RPUSD4: variants seen among roughly 807,000 people sequenced by gnomAD.
RPUSD4 encodes the protein pseudouridylate synthase RPUSD4, mitochondrial.
Under a neutral mutation model 35.4 loss-of-function variants are expected in RPUSD4, and 37 were observed. That is an observed-to-expected ratio of 1.04 (90% CI 0.80 to 1.37). The LOEUF (loss-of-function observed/expected upper bound fraction) is 1.37. Among genes scored for constraint, RPUSD4 ranks in the 40% most tolerant of loss-of-function variants. The pLI is 0.00. For missense variants in RPUSD4, 507 were observed against 484.9 expected, an observed-to-expected ratio of 1.05 and a Z score of -0.43; for synonymous variants, 210 against 192.7, an observed-to-expected ratio of 1.09 and a Z score of -0.74.
Position 126,211,018 on chromosome 11 carries a change from A to C in RPUSD4, c.227T>G (p.Ile76Arg), listed in dbSNP as rs1381677644. ...TNAVQRRVQE[I>R]VRFTRQLQRV... The stretch of plus-strand genomic sequence containing the variant: ...CTGCAGCTGCCGTGTGAACCGCACT[A>C]TTTCTTGCACTCTCCGCTGAACAGC... The change falls in exon 2 of 7, where the codon ATA becomes AGA. Residue 76 changes from isoleucine to arginine, a missense_variant. Physicochemically the swap from Ile to Arg is moderately conservative, Grantham distance 97. Transcript: ENST00000298317. 1 of 1,613,970 alleles carries C rather than the reference A, an allele frequency of 6.2e-7. No homozygotes were observed. Among genetic ancestry groups the C allele is most frequent in the South Asian group, 1.1e-5 (1 of 91,066 alleles).
rs750767470 is a variant in RPUSD4 at position 126,211,067 on chromosome 11, G to A, written c.190-12C>T. 18 of 1,608,362 alleles carry A rather than the reference G, an allele frequency of 1.1e-5. No individual in the cohort carries two copies. Among genetic ancestry groups the A allele is most frequent in the Non-Finnish European group, 1.4e-5 (17 of 1,179,420 alleles). On this transcript the variant is annotated splice_polypyrimidine_tract_variant and intron_variant, in intron 1 of 6. Transcript: ENST00000298317. Reference sequence around the variant, plus strand: ...GCGTTTGTGGACACCTAGGGAGAAAGAAGGAGCCGTGGGGAATGCCTGGTG... The same window carrying A: ...GCGTTTGTGGACACCTAGGGAGAAAAAAGGAGCCGTGGGGAATGCCTGGTG...
In RPUSD4 at chr11:126,210,915, A is replaced by C; in HGVS notation, c.330T>G (p.Asn110Lys). Residue 110 changes from asparagine (N) to lysine (K), a missense_variant, in exon 2 of 7, where the codon AAT (asparagine) becomes AAG (lysine). By Grantham distance (94) the Asn-to-Lys change is moderately conservative. Transcript: ENST00000298317. The part of the protein sequence containing the change: ...LHQDKNLVVI[N>K]KPYGLPVHGG... ...CATGCACAGGGAGACCGTAGGGCTT[A>C]TTGATGACCACAAGGTTCTTGTCCT... 2 of 1,614,162 alleles carry C rather than the reference A, an allele frequency of 1.2e-6. No individual in the cohort carries two copies. The highest frequency in any genetic ancestry group is 2.2e-5 in the South Asian group (2 of 91,082).
intron 3 of RPUSD4, chr11:126,206,099 A>G (rs1007179276): frequency 4.9e-6 from 1 of 204,516 alleles, no homozygotes; most frequent in African/African-American, 2.3e-5. Context: ...TTATGGTAAT[A>G]TAGTTTTGTA....
At position 126,209,583 on chromosome 11, in the gene RPUSD4, G is replaced by T; in HGVS notation, c.495C>A (p.Asp165Glu). The change falls in exon 3 of 7, where the codon GAC becomes GAA. Residue 165 changes from aspartate to glutamate, a missense_variant. By Grantham distance (45) the Asp-to-Glu change is conservative. Transcript: ENST00000298317. ...ETTGVMVLAW[D>E]KDMAHQVQEL... Reference sequence around the variant, plus strand: ...CTTGGACTTGATGTGCCATGTCCTTGTCCCAAGCCAACACCATTACACCTG... The same window carrying T: ...CTTGGACTTGATGTGCCATGTCCTTTTCCCAAGCCAACACCATTACACCTG... 1 of 1,614,222 alleles carries T rather than the reference G, an allele frequency of 6.2e-7. No homozygotes were observed. Among genetic ancestry groups the T allele is most frequent in the Non-Finnish European group, 8.5e-7 (1 of 1,180,052 alleles).
At chr11:126,206,851 G>T (rs186006675) in intron 3 of RPUSD4, among the ~76,000 whole-genome samples, 1 of 151,968 alleles carries the variant, frequency 6.6e-6, no homozygotes, top group Non-Finnish European at 1.5e-5. Context: ...ACATTTTATC[G>T]TATTTTACAG....
intron 2 of RPUSD4, 93 bp downstream of exon 2, chr11:126,210,797 G>C (rs1949848611): frequency 7.8e-7 from 1 of 1,277,420 alleles, no homozygotes; most frequent in Non-Finnish European, 1.1e-6. Context: ...TGAATGCAAG[G>C]CTTTAGAGTG....
At chr11:126,209,871 A>T (rs2135104712) in intron 2 of RPUSD4, 149 bp from the exon 3 acceptor site, 1 of 657,768 alleles carries the variant, frequency 1.5e-6, no homozygotes, top group East Asian at 2.7e-5. Flanking sequence ...CAACAATGGC[A>T]TGTCTAGGGA....
At chr11:126,211,419 C>G (rs1458242000) in intron 1 of RPUSD4, 31 bp downstream of exon 1, 1 of 1,587,832 alleles carries the variant, frequency 6.3e-7, no homozygotes, top group Non-Finnish European at 8.6e-7. Flanking sequence ...AGCGCACTGC[C>G]TCTAGGGAGT....
At position 126,211,626 on chromosome 11, in the gene RPUSD4, T is replaced by C; in HGVS notation, c.13A>G (p.Arg5Gly). The C allele has an allele frequency of 7.4e-6, 12 of 1,612,734 alleles. No individual in the cohort carries two copies. Among genetic ancestry groups the C allele is most frequent in the Admixed American group, 1.7e-5 (1 of 59,810 alleles). The change falls in exon 1 of 7, where the codon AGG (arginine) becomes GGG (glycine). Residue 5 changes from arginine to glycine, a missense_variant. By Grantham distance (125) the Arg-to-Gly change is moderately radical. Coordinates refer to ENST00000298317, the MANE Select transcript of RPUSD4 (RefSeq NM_032795.3). MAAP[R>G]WSASGPWIRG... ...ATCCAGGGGCCCGACGCGCTCCACC[T>C]GGGCGCCGCCATCTTACAAGGAAGG...
chr11:126,210,790 A>T (rs1247000879), intron 2 of RPUSD4, 100 bp downstream of exon 2: 1 of 1,193,594 alleles, frequency 8.4e-7, no homozygotes, highest in African/African-American at 1.5e-5. Context: ...ATTAATTTGA[A>T]TGCAAGGCTT....
chr11:126,204,290 A>G lies in RPUSD4; in HGVS notation c.835T>C (p.Leu279=), dbSNP rs368604267. The part of the protein sequence containing the change: ...HQLRVHLSFG[L]DCPILGDHKY... ...TGATCACCAAGGATTGGACAATCCA[A>G]TCCAAAAGACAAGTGAACTCGAAGC... Residue 279 remains leucine, a synonymous_variant, in exon 6 of 7, where the codon TTG becomes CTG. Coordinates refer to ENST00000298317, the MANE Select transcript of RPUSD4 (RefSeq NM_032795.3). 2 of 1,613,732 alleles carry G rather than the reference A, an allele frequency of 1.2e-6. No individual in the cohort carries two copies. Among genetic ancestry groups the G allele is most frequent in the Non-Finnish European group, 8.5e-7 (1 of 1,179,972 alleles).
chr11:126,203,318 T>C lies in RPUSD4; in HGVS notation c.*100A>G, dbSNP rs867938110. The stretch of plus-strand genomic sequence containing the variant: ...CAAGTGAGAAGTTAGCAGAGTCCTG[T>C]AAACAAAGAACAGTTCAGGGGCCAA... On this transcript the variant is annotated 3_prime_UTR_variant, in exon 7 of 7. Coordinates refer to ENST00000298317, the MANE Select transcript of RPUSD4 (RefSeq NM_032795.3). 5 of 1,525,026 alleles carry C rather than the reference T, an allele frequency of 3.3e-6. No individual in the cohort carries two copies. In the Middle Eastern group the frequency reaches 8.8e-4, roughly 269 times the overall value. The allele number at this position is 1,525,026 out of a possible 1,614,324, so 94.5% of individuals were successfully genotyped here.
chr11:126,204,295 A>G lies in RPUSD4; in HGVS notation c.830T>C (p.Phe277Ser), dbSNP rs1949745357. 6.2e-7 allele frequency: 1 copy of G among 1,613,510 alleles called. No homozygotes were observed. The highest frequency in any genetic ancestry group is 8.5e-7 in the Non-Finnish European group (1 of 1,179,936). ...ACCAAGGATTGGACAATCCAATCCAAAAGACAAGTGAACTCGAAGCTGATG... is the reference window on the plus strand; with the variant it reads ...ACCAAGGATTGGACAATCCAATCCAGAAGACAAGTGAACTCGAAGCTGATG... ...IKHQLRVHLS[F>S]GLDCPILGDH... The change falls in exon 6 of 7, where the codon TTT becomes TCT. Residue 277 changes from phenylalanine to serine, a missense_variant. Physicochemically the swap from Phe to Ser is radical, Grantham distance 155. Transcript: ENST00000298317.
chr11:126,209,793 A>G, intron 2 of RPUSD4, 71 bp from the exon 3 acceptor site: 4 of 1,324,094 alleles, frequency 3.0e-6, no homozygotes, highest in Non-Finnish European at 4.2e-6. Flanking sequence ...CTTGGGAGAA[A>G]AGCCCTTAAT....
chr11:126,202,345 C>T lies in RPUSD4; in HGVS notation c.*1073G>A, dbSNP rs1949722349. ...GAGGCCAAGGTCATTTCCATCTATC[C>T]CTAATGGTGTTCAGTATAGCCCTCT... is the stretch of plus-strand genomic sequence containing the variant. On this transcript the variant is annotated 3_prime_UTR_variant, in exon 7 of 7. Coordinates refer to ENST00000298317, the MANE Select transcript of RPUSD4 (RefSeq NM_032795.3). The T allele has an allele frequency of 6.6e-6, 1 of 152,176 alleles. No homozygotes were observed. The highest frequency in any genetic ancestry group is 1.5e-5 in the Non-Finnish European group (1 of 68,050). The allele number at this position is 152,176 out of a possible 1,614,324, so 9.4% of individuals were successfully genotyped here.
chr11:126,209,788 G>A, intron 2 of RPUSD4, 66 bp from the exon 3 acceptor site: 2 of 1,360,850 alleles, frequency 1.5e-6, no homozygotes, highest in South Asian at 2.4e-5. Context: ...CTCTCCTTGG[G>A]AGAAAAGCCC....
chr11:126,211,253 C>A, intron 1 of RPUSD4, 197 bp downstream of exon 1: 1 of 894,200 alleles, frequency 1.1e-6, no homozygotes, highest in Non-Finnish European at 1.7e-6. Context: ...CTGAGCCTGA[C>A]AGTAGCCAAA....
In RPUSD4 at chr11:126,211,621, C is replaced by A. The variant is rs934324908; in HGVS notation, c.18G>T (p.Trp6Cys). The part of the protein sequence containing the change: MAAPR[W>C]SASGPWIRGN... Reference sequence around the variant, plus strand: ...CCCGGATCCAGGGGCCCGACGCGCTCCACCTGGGCGCCGCCATCTTACAAG... The same window carrying A: ...CCCGGATCCAGGGGCCCGACGCGCTACACCTGGGCGCCGCCATCTTACAAG... The change falls in exon 1 of 7, where the codon TGG becomes TGT. Residue 6 changes from tryptophan (W) to cysteine (C), a missense_variant. Transcript: ENST00000298317. 3 of 1,613,280 alleles carry A rather than the reference C, an allele frequency of 1.9e-6. No individual in the cohort carries two copies. Among genetic ancestry groups the A allele is most frequent in the Admixed American group, 3.3e-5 (2 of 59,890 alleles).
Position 126,210,988 on chromosome 11 carries a change from A to G in RPUSD4, c.257T>C (p.Val86Ala), listed in dbSNP as rs1309162405. 1.2e-6 allele frequency: 2 copies of G among 1,613,384 alleles called. No homozygotes were observed. The highest frequency in any genetic ancestry group is 3.3e-5 in the Admixed American group (2 of 59,940). ...IVRFTRQLQR[V>A]HPNVLAKALT... The stretch of plus-strand genomic sequence containing the variant: ...TGCCTTAGCAAGCACGTTGGGGTGG[A>G]CTCGCTGCAGCTGCCGTGTGAACCG... The change falls in exon 2 of 7, where the codon GTC becomes GCC. Residue 86 changes from valine to alanine, a missense_variant. Val to Ala is a moderately conservative substitution (Grantham distance 64, BLOSUM62 0). Coordinates refer to ENST00000298317, the MANE Select transcript of RPUSD4 (RefSeq NM_032795.3).
Sources: gnomAD v4.1 joint callset for allele counts (sites outside exome capture counted in the v4.1 genomes callset) on GRCh38, gnomAD v4.1.1 for gene constraint, MANE v1.5 for transcripts, NCBI Gene and HGNC (gene_info 2026-07-23, HGNC 2026-07-21) for gene names.